CDH12: variants seen among roughly 807,000 people sequenced by gnomAD.
The protein encoded by CDH12 is cadherin-12.
Under a neutral mutation model 74.1 loss-of-function variants are expected in CDH12, and 41 were observed. The ratio of observed to expected loss-of-function variants is 0.55; its 90% CI spans 0.43 to 0.72. The LOEUF (loss-of-function observed/expected upper bound fraction) is 0.72. Ranked by LOEUF, CDH12 falls within the 30% of genes least tolerant of loss-of-function variation. The pLI is 0.00. For synonymous variants in CDH12, 399 were observed against 355.0 expected, an observed-to-expected ratio of 1.12 and a Z score of -1.39; for missense variants, 945 against 977.2, an observed-to-expected ratio of 0.97 and a Z score of 0.44.
intron 6 of CDH12, among the ~76,000 whole-genome samples, chr5:21,914,115 G>A (rs1427867417): frequency 6.6e-6 from 1 of 152,108 alleles, no homozygotes; most frequent in African/African-American, 2.4e-5. Flanking sequence ...TTCATTTTCA[G>A]TCTCCTAAGA....
intron 2 of CDH12, among the ~76,000 whole-genome samples, chr5:22,474,015 AC>A (rs1746070100): frequency 6.6e-6 from 1 of 152,186 alleles, no homozygotes; most frequent in African/African-American, 2.4e-5. Flanking sequence ...ATGATGAAAT[AC>A]ATGATGAAGC....
chr5:21,893,576 C>A (rs1378213458), intron 6 of CDH12, among the ~76,000 whole-genome samples: 1 of 152,186 alleles, frequency 6.6e-6, no homozygotes, highest in Non-Finnish European at 1.5e-5. Flanking sequence ...AGTTTGGTAG[C>A]ACATTCAACT....
chr5:22,621,815 T>C (rs549274299), intron 1 of CDH12, among the ~76,000 whole-genome samples: 19 of 152,054 alleles, frequency 1.2e-4, no homozygotes, highest in Non-Finnish European at 2.6e-4. Flanking sequence ...TGTGAATGAT[T>C]CTATAGCTGG....
In CDH12 at chr5:22,078,512, G is replaced by C; in HGVS notation, c.165C>G (p.Gly55=). The change falls in exon 5 of 15, where the codon GGC becomes GGG. Residue 55 remains glycine, a synonymous_variant. Transcript: ENST00000382254. ...QRSHFQRVKR[G]WVWNQFFVLE... is the part of the protein sequence containing the mutation. ...GCACAAAAAATTGATTCCATACCCA[G>C]CCACGTTTAACACGTTGGAAATGTG... The C allele has an allele frequency of 6.2e-7, 1 of 1,613,886 alleles. No homozygotes were observed. The highest frequency in any genetic ancestry group is 1.1e-5 in the South Asian group (1 of 91,084).
intron 1 of CDH12, among the ~76,000 whole-genome samples, chr5:22,660,729 A>G (rs1740304233): frequency 6.6e-6 from 1 of 152,162 alleles, no homozygotes. Flanking sequence ...GGTTTTATTC[A>G]TGACTTTAAT....
At chr5:22,040,521 A>T in intron 5 of CDH12, among the ~76,000 whole-genome samples, 1 of 152,150 alleles carries the variant, frequency 6.6e-6, no homozygotes, top group East Asian at 1.9e-4. Flanking sequence ...AAACTGTCAA[A>T]AGGTAAAGTC....
intron 5 of CDH12, among the ~76,000 whole-genome samples, chr5:22,052,740 A>G (rs1740461916): frequency 6.6e-6 from 1 of 152,108 alleles, no homozygotes. Flanking sequence ...CTTCAGGTAA[A>G]ATAAACATTT....
At chr5:22,177,617 A>G (rs569476309) in intron 4 of CDH12, among the ~76,000 whole-genome samples, 22 of 152,240 alleles carry the variant, frequency 1.4e-4, no homozygotes, top group Non-Finnish European at 2.4e-4. Context: ...TGATTTCCAC[A>G]TTTAGAAATT....
chr5:22,219,838 G>C (rs912562564), intron 3 of CDH12, among the ~76,000 whole-genome samples: 10 of 151,628 alleles, frequency 6.6e-5, no homozygotes, highest in Non-Finnish European at 1.2e-4. Context: ...AAATGAATTA[G>C]TGCAGATGGA....
At chr5:22,353,614 C>T (rs1293176485) in intron 3 of CDH12, among the ~76,000 whole-genome samples, 1 of 152,028 alleles carries the variant, frequency 6.6e-6, no homozygotes, top group Non-Finnish European at 1.5e-5. Context: ...TAATCACAAA[C>T]TCAAGTTTCA....
In CDH12 at chr5:21,806,928, A is replaced by G. The variant is rs142869337; in HGVS notation, c.1003-4508T>C. ...GATGCCCTCCTTGGTCCTGGGCCAAAACCATGTTTGCAAAACTAAAGAAAG... is the reference window on the plus strand; with the variant it reads ...GATGCCCTCCTTGGTCCTGGGCCAAGACCATGTTTGCAAAACTAAAGAAAG... On this transcript the variant is annotated intron_variant, in intron 9 of 14. Transcript: ENST00000382254. Among the ~76,000 whole-genome samples, 174 of 152,274 alleles carry G rather than the reference A, an allele frequency of 1.1e-3. 1 individual carries two copies. The highest frequency in any genetic ancestry group is 4.0e-3 in the African/African-American group (165 of 41,576).
chr5:21,858,311 CGCAA>C (rs1750859433), intron 6 of CDH12, among the ~76,000 whole-genome samples: 1 of 151,716 alleles, frequency 6.6e-6, no homozygotes, highest in South Asian at 2.1e-4. Context: ...CTCAGTAATT[CGCAA>C]GCAAACATTC....
At chr5:22,009,443 G>C (rs1263970299) in intron 5 of CDH12, among the ~76,000 whole-genome samples, 1 of 152,008 alleles carries the variant, frequency 6.6e-6, no homozygotes. Flanking sequence ...CCTTCCCATT[G>C]ATCCTTCACA....
chr5:22,828,470 A>G (rs1043912438), intron 1 of CDH12, among the ~76,000 whole-genome samples: 1 of 152,196 alleles, frequency 6.6e-6, no homozygotes, highest in African/African-American at 2.4e-5. Flanking sequence ...TCCAAGTTAA[A>G]GGTTATATAC....
At chr5:22,477,361 G>A (rs1746209339) in intron 2 of CDH12, among the ~76,000 whole-genome samples, 1 of 152,084 alleles carries the variant, frequency 6.6e-6, no homozygotes, top group Admixed American at 6.5e-5. Context: ...TAGTGTGTTA[G>A]TTTGCTAAAG....
At chr5:21,909,201 C>G (rs1339760742) in intron 6 of CDH12, among the ~76,000 whole-genome samples, 1 of 152,136 alleles carries the variant, frequency 6.6e-6, no homozygotes, top group African/African-American at 2.4e-5. Context: ...TCTACCAAAT[C>G]TGGGAGTTGT....
chr5:22,723,345 A>T (rs1685222), intron 1 of CDH12, among the ~76,000 whole-genome samples: 5 of 152,010 alleles, frequency 3.3e-5, no homozygotes, highest in African/African-American at 9.7e-5. Context: ...AAAGTATAAC[A>T]TAAGATTTTC....
intron 1 of CDH12, among the ~76,000 whole-genome samples, chr5:22,512,510 G>A (rs555696180): frequency 3.0e-4 from 46 of 152,110 alleles, no homozygotes; most frequent in Non-Finnish European, 5.0e-4. Flanking sequence ...CAGTCTGCAA[G>A]AGCACAATTC....
chr5:21,890,741 T>C (rs1032733013), intron 6 of CDH12, among the ~76,000 whole-genome samples: 6 of 152,240 alleles, frequency 3.9e-5, no homozygotes, highest in South Asian at 2.1e-4. Context: ...GGATTCTCTA[T>C]ATATTTGAAA....
Sources: allele counts gnomAD v4.1 joint callset (sites outside exome capture counted in the v4.1 genomes callset), GRCh38; gene constraint gnomAD v4.1.1; transcripts MANE v1.5; gene names NCBI Gene and HGNC (gene_info 2026-07-23, HGNC 2026-07-21).